The following NYAP2 variants were observed in gnomAD, a reference collection of about 807,000 sequenced individuals.
The protein encoded by NYAP2 is neuronal tyrosine-phosphorylated phosphoinositide-3-kinase adaptor 2.
In NYAP2, 23 loss-of-function variants were observed where a neutral mutation model predicts 50.4. That is an observed-to-expected ratio of 0.46 (90% CI 0.33 to 0.65). The LOEUF is 0.65. NYAP2 is among the 30% of genes least tolerant of loss of function. NYAP2 has a pLI of 0.02. For synonymous variants in NYAP2, 394 were observed against 365.2 expected (o/e 1.08, Z -0.90); for missense variants, 885 against 861.0 (o/e 1.03, Z -0.35).
the NYAP2 span, among the ~76,000 whole-genome samples, chr2:225,669,407 C>T: frequency 1.3e-5 from 2 of 152,010 alleles, no homozygotes; most frequent in Non-Finnish European, 2.9e-5. Flanking sequence ...AAAGCTCATT[C>T]GTATGGACAA....
the NYAP2 span, among the ~76,000 whole-genome samples, chr2:225,694,528 GCAA>G: frequency 6.6e-6 from 1 of 151,770 alleles, no homozygotes; most frequent in African/African-American, 2.4e-5. Context: ...GGCCACAGTA[GCAA>G]CATTGGAGTT....
intron 5 of NYAP2, among the ~76,000 whole-genome samples, chr2:225,590,875 C>T (rs370923453): frequency 6.6e-6 from 1 of 152,224 alleles, no homozygotes; most frequent in Non-Finnish European, 1.5e-5. Context: ...ATCTGTGAAT[C>T]GCATCTATCC....
chr2:225,651,547 G>A lies in NYAP2; in HGVS notation c.1944G>A (p.Ser648=), dbSNP rs374009602. ...TGCAACAGAGCCAGGTACCATCATC[G>A]TTAGCCAATCGTGATTGACTTCCTG... The change falls in exon 7 of 7, where the codon TCG becomes TCA. Residue 648 remains serine (S), a synonymous_variant. Coordinates refer to ENST00000636099, the Ensembl canonical transcript of NYAP2. 86 of 1,613,910 alleles carry A rather than the reference G, an allele frequency of 5.3e-5. No homozygotes were observed. The highest frequency in any genetic ancestry group is 2.3e-4 in the African/African-American group (17 of 75,022).
At chr2:225,423,106 A>G (rs2106128177) in intron 3 of NYAP2, among the ~76,000 whole-genome samples, 1 of 152,236 alleles carries the variant, frequency 6.6e-6, no homozygotes, top group Non-Finnish European at 1.5e-5. Context: ...CAAGATTAGA[A>G]GTCTCCAAGG....
At chr2:225,632,869 A>C (rs1462726705) in intron 6 of NYAP2, among the ~76,000 whole-genome samples, 1 of 152,158 alleles carries the variant, frequency 6.6e-6, no homozygotes, top group East Asian at 1.9e-4. Context: ...CAAAAATTTT[A>C]CTATGTTTCT....
chr2:225,549,900 A>T (rs1691642665), intron 4 of NYAP2, among the ~76,000 whole-genome samples: 1 of 151,924 alleles, frequency 6.6e-6, no homozygotes, highest in African/African-American at 2.4e-5. Flanking sequence ...CAGGAGAATC[A>T]CTTGAACTCA....
At position 225,508,395 on chromosome 2, in the gene NYAP2, T is replaced by C. The variant is rs144894380; in HGVS notation, c.222-4976T>C. Among the ~76,000 whole-genome samples the C allele has an allele frequency of 1.2e-4, 19 of 152,256 alleles. No homozygotes were observed. In the East Asian group the frequency reaches 2.7e-3, roughly 22 times the overall value. On this transcript the variant is annotated intron_variant, in intron 3 of 6. Transcript: ENST00000636099. The stretch of plus-strand genomic sequence containing the variant: ...ATTCCTTATTTCTGGGGTCTTCCAT[T>C]TGTCGTGATGCCTTCTCTTTCCCTG...
Position 225,520,605 on chromosome 2 carries a change from G to C in NYAP2, c.523+6933G>C, listed in dbSNP as rs554146372. On this transcript the variant is annotated intron_variant, in intron 4 of 6. Transcript: ENST00000636099. The stretch of plus-strand genomic sequence containing the variant: ...TGTAGATGTGTGGTGTTATTTCTGA[G>C]GGCTCTGTTCTGTTCCATTGATCTA... Among the ~76,000 whole-genome samples, 907 of 152,240 alleles carry C rather than the reference G, an allele frequency of 6.0e-3. 7 individuals carry two copies. The highest frequency in any genetic ancestry group is 0.021 in the African/African-American group (858 of 41,532).
At chr2:225,437,252 G>T (rs1479851242) in intron 3 of NYAP2, among the ~76,000 whole-genome samples, 1 of 152,060 alleles carries the variant, frequency 6.6e-6, no homozygotes, top group Non-Finnish European at 1.5e-5. Flanking sequence ...AAGGCTTCAT[G>T]GCAGTCACAT....
chr2:225,421,283 T>G (rs1002117435), intron 3 of NYAP2, among the ~76,000 whole-genome samples: 5 of 152,208 alleles, frequency 3.3e-5, no homozygotes, highest in African/African-American at 1.2e-4. Flanking sequence ...TTTAGAAGCC[T>G]GTTAGTATAC....
intron 4 of NYAP2, among the ~76,000 whole-genome samples, chr2:225,562,255 G>A (rs1025118661): frequency 6.6e-6 from 1 of 152,034 alleles, no homozygotes; most frequent in African/African-American, 2.4e-5. Flanking sequence ...ACACAAATGA[G>A]GAAAAACAAT....
At chr2:225,490,248 T>A (rs1327995216) in intron 3 of NYAP2, among the ~76,000 whole-genome samples, 1 of 152,184 alleles carries the variant, frequency 6.6e-6, no homozygotes, top group Non-Finnish European at 1.5e-5. Context: ...TCAATTTCCA[T>A]CCCATTCTGT....
intron 3 of NYAP2, among the ~76,000 whole-genome samples, chr2:225,503,787 A>G (rs532184719): frequency 6.6e-6 from 1 of 152,338 alleles, no homozygotes; most frequent in South Asian, 2.1e-4. Context: ...ATGGTGTTTG[A>G]TAGAGATGAC....
chr2:225,669,937 G>A, the NYAP2 span, among the ~76,000 whole-genome samples: 5 of 152,292 alleles, frequency 3.3e-5, no homozygotes, highest in East Asian at 9.7e-4. Flanking sequence ...GGAGAGTCGG[G>A]TTGTTATGAA....
chr2:225,469,904 A>G (rs1276241940), intron 3 of NYAP2, among the ~76,000 whole-genome samples: 2 of 152,168 alleles, frequency 1.3e-5, no homozygotes, highest in African/African-American at 4.8e-5. Flanking sequence ...AATGTAGGTG[A>G]CAGGTTAATG....
At chr2:225,405,154 A>G (rs1299150288) in intron 2 of NYAP2, among the ~76,000 whole-genome samples, 1 of 152,052 alleles carries the variant, frequency 6.6e-6, no homozygotes, top group Non-Finnish European at 1.5e-5. Flanking sequence ...AATGAACTCA[A>G]TTAAAGGGAT....
chr2:225,413,585 T>A (rs4234057), intron 3 of NYAP2, among the ~76,000 whole-genome samples: 127,250 of 152,202 alleles, frequency 0.84, 53,693 homozygotes, highest in African/African-American at 0.93. Context: ...TGTTCTTAAT[T>A]AAAAAAATGT....
chr2:225,649,606 G>C (rs975444873), intron 6 of NYAP2, among the ~76,000 whole-genome samples: 1 of 152,184 alleles, frequency 6.6e-6, no homozygotes, highest in Non-Finnish European at 1.5e-5. Context: ...CTGGGCTCAA[G>C]TGATCCACCC....
At chr2:225,485,718 C>T (rs994167626) in intron 3 of NYAP2, among the ~76,000 whole-genome samples, 8 of 152,124 alleles carry the variant, frequency 5.3e-5, no homozygotes, top group South Asian at 4.1e-4. Flanking sequence ...AGGGCAATCA[C>T]AGAAAGGGAG....
Sources: gnomAD v4.1 joint callset for allele counts (sites outside exome capture counted in the v4.1 genomes callset) on GRCh38, gnomAD v4.1.1 for gene constraint, MANE v1.5 for transcripts, NCBI Gene and HGNC (gene_info 2026-07-23, HGNC 2026-07-21) for gene names.